Variants in ATP6V1C2 observed in about 807,000 individuals in gnomAD.
ATP6V1C2 encodes ATPase H+ transporting V1 subunit C2.
In ATP6V1C2, 45 loss-of-function variants were observed where a neutral mutation model predicts 56.8. The observed-to-expected ratio is 0.79, with a 90% CI of 0.62 to 1.02. ATP6V1C2 has a LOEUF of 1.02. Among genes scored for constraint, ATP6V1C2 ranks in the 50% least tolerant of loss-of-function variants. The probability of loss-of-function intolerance (pLI) is 0.00; values close to 1 mark genes in which losing one functional copy is unlikely to be tolerated. For missense variants in ATP6V1C2, 463 were observed against 519.7 expected (o/e 0.89, Z 1.06); for synonymous variants, 220 against 201.3 (o/e 1.09, Z -0.79).
At chr2:10,760,902 C>G (rs1393591092) in intron 4 of ATP6V1C2, among the ~76,000 whole-genome samples, 1 of 152,212 alleles carries the variant, frequency 6.6e-6, no homozygotes, top group Non-Finnish European at 1.5e-5. Flanking sequence ...GCCACGTAGA[C>G]AGTGCGAGCT....
intron 3 of ATP6V1C2, among the ~76,000 whole-genome samples, chr2:10,752,316 C>T (rs1050779977): frequency 2.6e-5 from 4 of 152,130 alleles, no homozygotes; most frequent in Admixed American, 2.6e-4. Context: ...CGTGTCCCTG[C>T]CTCTGTTTTC....
chr2:10,721,013 C>CCCCA (rs1459301133), upstream of ATP6V1C2: 8 of 152,404 alleles, frequency 5.2e-5, no homozygotes, highest in African/African-American at 1.9e-4. Context: ...TTGTAACCGC[C>CCCCA]CCCCCACCCC....
intron 4 of ATP6V1C2, among the ~76,000 whole-genome samples, chr2:10,757,103 A>G (rs765678620): frequency 1.5e-5 from 2 of 137,456 alleles, no homozygotes; most frequent in Admixed American, 8.3e-5. Flanking sequence ...ACCTCTGCCT[A>G]TCAGGTTCAA....
At chr2:10,772,107 G>A (rs954582354) in intron 7 of ATP6V1C2, among the ~76,000 whole-genome samples, 170 bp downstream of exon 7, 1 of 152,188 alleles carries the variant, frequency 6.6e-6, no homozygotes, top group Non-Finnish European at 1.5e-5. Flanking sequence ...AGGGACAGTG[G>A]TTGGGTGATG....
At position 10,763,661 on chromosome 2, in the gene ATP6V1C2, C is replaced by A. The variant is rs897058924; in HGVS notation, c.284-670C>A. Among the ~76,000 whole-genome samples the A allele has an allele frequency of 1.3e-5, 2 of 152,224 alleles. No homozygotes were observed. The highest frequency in any genetic ancestry group is 2.9e-5 in the Non-Finnish European group (2 of 68,050). The stretch of plus-strand genomic sequence containing the variant: ...AGGGAATTTCCCGCTCTTCCATAGA[C>A]CCGGCGTATTAAAAGAGGTCAGGTC... On this transcript the variant is annotated intron_variant, in intron 4 of 13. Coordinates refer to ENST00000272238, the MANE Select transcript of ATP6V1C2 (RefSeq NM_001039362.2). This position sits in a 1 kb window ranked among gnomAD's most constrained non-coding sequence, Gnocchi z 4.2.
intron 11 of ATP6V1C2, among the ~76,000 whole-genome samples, chr2:10,778,256 G>A (rs1665125321): frequency 6.6e-6 from 1 of 152,208 alleles, no homozygotes; most frequent in South Asian, 2.1e-4. Flanking sequence ...CTCCCTGGCT[G>A]CACAGTGTCA....
In ATP6V1C2 at chr2:10,784,139, ACTT is replaced by A; in HGVS notation, c.*880_*882del. 1 of 603,816 alleles carries A rather than the reference ACTT, an allele frequency of 1.7e-6. No individual in the cohort carries two copies. Among genetic ancestry groups the A allele is most frequent in the Non-Finnish European group, 2.8e-6 (1 of 353,228 alleles). 37.4% of individuals were successfully genotyped at this position (603,816 alleles called of 1,614,324 possible). A position where few individuals can be genotyped will look rare whatever the true frequency, so the allele number is the denominator to read the frequency against. ...GTTTTCAAATGACCAATCAAGTACT[ACTT>A]CTTGGTTAAAAGGCCACTGGTAGAG... On this transcript the variant is annotated 3_prime_UTR_variant, in exon 14 of 14. Coordinates refer to ENST00000272238, the MANE Select transcript of ATP6V1C2 (RefSeq NM_001039362.2).
At chr2:10,776,307 G>A (rs1268115382) in intron 10 of ATP6V1C2, among the ~76,000 whole-genome samples, 1 of 79,416 alleles carries the variant, frequency 1.3e-5, no homozygotes. Flanking sequence ...GTATGAGTGT[G>A]TGTGTGGACC....
chr2:10,770,503 G>A (rs188177561), intron 6 of ATP6V1C2, among the ~76,000 whole-genome samples: 4 of 152,368 alleles, frequency 2.6e-5, no homozygotes, highest in East Asian at 1.9e-4. Flanking sequence ...GGGGCCGGGC[G>A]CCGGGGCAGA....
intron 3 of ATP6V1C2, among the ~76,000 whole-genome samples, chr2:10,746,602 T>C (rs1662930113): frequency 6.6e-6 from 1 of 152,040 alleles, no homozygotes; most frequent in East Asian, 1.9e-4. Context: ...TAGTGAGATG[T>C]GGTTTCACCA....
chr2:10,778,959 C>T (rs542906793), intron 12 of ATP6V1C2, among the ~76,000 whole-genome samples: 3 of 152,300 alleles, frequency 2.0e-5, no homozygotes, highest in Non-Finnish European at 4.4e-5. Flanking sequence ...TGGCTCCTGT[C>T]CCCACCCTCG....
chr2:10,784,210 C>T lies in ATP6V1C2; in HGVS notation c.*947C>T. The T allele has an allele frequency of 6.7e-7, 1 of 1,486,094 alleles. No individual in the cohort carries two copies. 92.1% of individuals were successfully genotyped at this position (1,486,094 alleles called of 1,614,324 possible). A position where few individuals can be genotyped will look rare whatever the true frequency, so the allele number is the denominator to read the frequency against. ...ATGTCCCTTCACTGCTGGAAAAATC[C>T]ACTGGCTCCCAAGAAAAGAAAATGG... is the stretch of plus-strand genomic sequence containing the variant. On this transcript the variant is annotated 3_prime_UTR_variant, in exon 14 of 14. Coordinates refer to ENST00000272238, the MANE Select transcript of ATP6V1C2 (RefSeq NM_001039362.2).
chr2:10,758,966 G>A (rs895760626), intron 4 of ATP6V1C2, among the ~76,000 whole-genome samples: 35 of 152,178 alleles, frequency 2.3e-4, no homozygotes, highest in African/African-American at 8.2e-4. Flanking sequence ...CGCGCCGGCC[G>A]AGAGGCCTTT....
chr2:10,742,230 C>T (rs1201573916), intron 3 of ATP6V1C2, among the ~76,000 whole-genome samples: 2 of 152,112 alleles, frequency 1.3e-5, no homozygotes, highest in Non-Finnish European at 2.9e-5. Context: ...TTTCTGACAA[C>T]CAAACAACTC....
At chr2:10,742,876 G>A (rs1197154753) in intron 3 of ATP6V1C2, among the ~76,000 whole-genome samples, 1 of 152,152 alleles carries the variant, frequency 6.6e-6, no homozygotes, top group African/African-American at 2.4e-5. Flanking sequence ...CTTCTCGCCT[G>A]ATCCCCCACC....
rs574141383 is a variant in ATP6V1C2, at chr2:10,771,890, C to G, written c.522C>G (p.Phe174Leu). ...GTGATATTGTGAGCAAAGAGGACTT[C>G]GTGCTGGATTCTGAATATCTCGTCA... Reference protein sequence around the residue: ...TLSDIVSKEDFVLDSEYLVTL... With the variant: ...TLSDIVSKEDLVLDSEYLVTL... Residue 174 changes from phenylalanine (F) to leucine (L), a missense_variant, in exon 7 of 14, where the codon TTC becomes TTG. Transcript: ENST00000272238. 24 of 1,614,050 alleles carry G rather than the reference C, an allele frequency of 1.5e-5. No individual in the cohort carries two copies. Among genetic ancestry groups the G allele is most frequent in the Non-Finnish European group, 2.0e-5 (24 of 1,180,030 alleles).
intron 3 of ATP6V1C2, among the ~76,000 whole-genome samples, chr2:10,727,289 C>T (rs528358842): frequency 2.0e-4 from 30 of 151,602 alleles, no homozygotes; most frequent in African/African-American, 6.5e-4. Flanking sequence ...AGGCTAGTTT[C>T]GAAGTCCTGA....
In ATP6V1C2 at chr2:10,777,544, A is replaced by C. The variant is rs766367483; in HGVS notation, c.826-41A>C. The stretch of plus-strand genomic sequence containing the variant: ...AGAATGATTTATTTGTTTGTGATGC[A>C]TGTTTGCTGAAAGATTAATAAATCA... On this transcript the variant is annotated intron_variant, in intron 10 of 13. Coordinates refer to ENST00000272238, the MANE Select transcript of ATP6V1C2 (RefSeq NM_001039362.2). 4 of 1,597,198 alleles carry C rather than the reference A, an allele frequency of 2.5e-6. No individual in the cohort carries two copies. The South Asian group carries it at 3.4e-5, about 14-fold the overall frequency.
intron 10 of ATP6V1C2, among the ~76,000 whole-genome samples, chr2:10,777,177 C>A (rs896474010): frequency 6.6e-6 from 1 of 152,192 alleles, no homozygotes; most frequent in Admixed American, 6.5e-5. Context: ...AGGTGCCCCC[C>A]GAATGCCAGG....
Sources: gnomAD v4.1 joint callset for allele counts (sites outside exome capture counted in the v4.1 genomes callset) on GRCh38, gnomAD v4.1.1 for gene constraint, Gnocchi (gnomAD v3.1) non-coding constraint, MANE v1.5 for transcripts, NCBI Gene and HGNC (gene_info 2026-07-23, HGNC 2026-07-21) for gene names.